SORCS2: variants seen among roughly 807,000 people sequenced by gnomAD.
SORCS2 encodes VPS10 domain-containing receptor SorCS2.
SORCS2 carries 100 observed loss-of-function variants against 141.6 expected under a neutral mutation model. The ratio of observed to expected loss-of-function variants is 0.71; its 90% CI spans 0.60 to 0.83. The LOEUF (loss-of-function observed/expected upper bound fraction) is 0.83, where lower values mean the gene tolerates loss of function less well. Ranked by LOEUF, SORCS2 falls within the 40% of genes least tolerant of loss-of-function variation. The pLI is 0.00. For synonymous variants in SORCS2, 789 were observed against 676.9 expected (o/e 1.17, Z -2.57); for missense variants, 1,646 against 1,560.2 (o/e 1.05, Z -0.93).
intron 23 of SORCS2, among the ~76,000 whole-genome samples, chr4:7,730,645 C>G (rs116185514): frequency 6.6e-6 from 1 of 152,188 alleles, no homozygotes; most frequent in African/African-American, 2.4e-5. Flanking sequence ...CAAAAGACCA[C>G]GTAGCGTACA....
chr4:7,199,269 G>C (rs975450891), intron 1 of SORCS2, among the ~76,000 whole-genome samples: 7 of 152,220 alleles, frequency 4.6e-5, no homozygotes, highest in African/African-American at 1.7e-4. Flanking sequence ...GAGAGCCCCA[G>C]GGATGCAATT....
At chr4:7,280,708 G>A (rs1408469346) in intron 1 of SORCS2, among the ~76,000 whole-genome samples, 2 of 152,226 alleles carry the variant, frequency 1.3e-5, no homozygotes, top group African/African-American at 4.8e-5. Context: ...ATCCTCGCCA[G>A]CATTTTGTGT....
intron 3 of SORCS2, among the ~76,000 whole-genome samples, chr4:7,608,745 G>A (rs1019716533): frequency 5.9e-5 from 9 of 152,118 alleles, no homozygotes; most frequent in Non-Finnish European, 8.8e-5. Context: ...CAGGCTTCCC[G>A]CTCCAGGGAC....
chr4:7,725,203 C>T lies in SORCS2; in HGVS notation c.2661C>T (p.Asn887=), dbSNP rs1256718896. The T allele has an allele frequency of 1.9e-6, 3 of 1,613,634 alleles. No individual in the cohort carries two copies. The East Asian group carries it at 6.7e-5, about 36-fold the overall frequency. ...AGGTGGTTCCTGTCATTGGCCTCAA[C>T]CAGGAGGTGAACCTCACAGCTGTGC... ...YLEVVPVIGL[N]QEVNLTAVLL... Residue 887 remains asparagine, a synonymous_variant, in exon 20 of 27, where the codon AAC becomes AAT. Coordinates refer to ENST00000507866, the MANE Select transcript of SORCS2 (RefSeq NM_020777.3).
At position 7,638,567 on chromosome 4, in the gene SORCS2, C is replaced by T. The variant is rs1577878231; in HGVS notation, c.813+75C>T. ...CGACCCACCTGGAGGTGAGTGCCCA[C>T]TTGGAGCAAGTGGGACCCGGAACCC... is the stretch of plus-strand genomic sequence containing the variant. On this transcript the variant is annotated intron_variant, in intron 4 of 26. Coordinates refer to ENST00000507866, the MANE Select transcript of SORCS2 (RefSeq NM_020777.3). 3.4e-6 allele frequency: 5 copies of T among 1,480,772 alleles called. No individual in the cohort carries two copies. The East Asian group carries it at 1.2e-4, about 37-fold the overall frequency. 91.7% of individuals were successfully genotyped at this position (1,480,772 alleles called of 1,614,324 possible).
chr4:7,458,081 G>T lies in SORCS2; in HGVS notation c.548+61726G>T, dbSNP rs1729038389. ...AGTGGGTGCCCAACTCCCCTCAGGG[G>T]TGCCATAGGTGACACAGTACTTCTG... On this transcript the variant is annotated intron_variant, in intron 2 of 26. Transcript: ENST00000507866. Among the ~76,000 whole-genome samples the T allele has an allele frequency of 1.3e-5, 2 of 152,358 alleles. 1 individual carries two copies. The highest frequency in any genetic ancestry group is 4.1e-4 in the South Asian group (2 of 4,828).
chr4:7,201,304 C>G lies in SORCS2; in HGVS notation c.480+8178C>G, dbSNP rs955523154. On this transcript the variant is annotated intron_variant, in intron 1 of 26. Transcript: ENST00000507866. The surrounding 1 kb of genome is among the most constrained non-coding windows in gnomAD (Gnocchi z 4.4). The stretch of plus-strand genomic sequence containing the variant: ...TTGATCAAGAAGCCTGGCTCGAAGT[C>G]ATAGAGACAGCCCTGTTAATAAAGT... 1.1e-4 allele frequency among the ~76,000 whole-genome samples: 16 copies of G among 152,226 alleles called. No individual in the cohort carries two copies. Among genetic ancestry groups the G allele is most frequent in the Non-Finnish European group, 1.6e-4 (11 of 68,046 alleles).
chr4:7,366,624 G>T (rs559081145), intron 1 of SORCS2, among the ~76,000 whole-genome samples: 1 of 151,382 alleles, frequency 6.6e-6, no homozygotes, highest in Admixed American at 6.6e-5. Context: ...TCCTCCTCCA[G>T]CCTCCCATGC....
intron 1 of SORCS2, among the ~76,000 whole-genome samples, chr4:7,302,965 G>A (rs1007708037): frequency 3.3e-5 from 5 of 152,304 alleles, no homozygotes; most frequent in East Asian, 1.9e-4. Flanking sequence ...CGTGGGGGCC[G>A]CAGCCAAGCG....
chr4:7,589,743 G>A (rs1716787229), intron 3 of SORCS2, among the ~76,000 whole-genome samples: 1 of 152,218 alleles, frequency 6.6e-6, no homozygotes, highest in Admixed American at 6.5e-5. Context: ...GTAATACCAT[G>A]AGGACATGGA....
chr4:7,728,339 C>A lies in SORCS2; in HGVS notation c.2870-11C>A, dbSNP rs373164614. 5 of 1,604,740 alleles carry A rather than the reference C, an allele frequency of 3.1e-6. No homozygotes were observed. Among genetic ancestry groups the A allele is most frequent in the South Asian group, 1.1e-5 (1 of 90,244 alleles). ...AGAACTGACCAGTCTCCCTTCTCTG[C>A]GTCTTTCCAGATCAATTTCAAGTCA... On this transcript the variant is annotated splice_polypyrimidine_tract_variant and intron_variant, in intron 21 of 26. Transcript: ENST00000507866.
chr4:7,641,266 G>T (rs113137081), intron 4 of SORCS2, among the ~76,000 whole-genome samples: 2 of 152,272 alleles, frequency 1.3e-5, no homozygotes, highest in Admixed American at 1.3e-4. Flanking sequence ...CACATGGGTG[G>T]GGAGGCCTCA....
chr4:7,308,928 A>T (rs1009785188), intron 1 of SORCS2, among the ~76,000 whole-genome samples: 1 of 152,128 alleles, frequency 6.6e-6, no homozygotes, highest in African/African-American at 2.4e-5. Context: ...CTCCATGCCA[A>T]GACCTCCTGC....
intron 8 of SORCS2, among the ~76,000 whole-genome samples, chr4:7,669,283 G>A (rs193130733): frequency 6.6e-6 from 1 of 152,330 alleles, no homozygotes; most frequent in African/African-American, 2.4e-5. Flanking sequence ...GGCATGTGCT[G>A]TGACTATCGA....
intron 25 of SORCS2, 110 bp downstream of exon 25, chr4:7,734,484 G>C (rs1711995292): frequency 5.4e-6 from 4 of 747,474 alleles, no homozygotes; most frequent in Non-Finnish European, 8.4e-6. Context: ...GGCCTCAGAA[G>C]GGAGTGGTGA....
At chr4:7,732,111 A>C (rs1577133865) in intron 23 of SORCS2, among the ~76,000 whole-genome samples, 1 of 152,296 alleles carries the variant, frequency 6.6e-6, no homozygotes, top group East Asian at 1.9e-4. Context: ...AAAACAGGTG[A>C]CTCGATTAAA....
intron 1 of SORCS2, among the ~76,000 whole-genome samples, chr4:7,308,425 A>G (rs1717972599): frequency 6.6e-6 from 1 of 152,060 alleles, no homozygotes; most frequent in African/African-American, 2.4e-5. Flanking sequence ...GTGGGGGTAG[A>G]TGGGCTCCGT....
At chr4:7,269,737 C>T (rs867993642) in intron 1 of SORCS2, among the ~76,000 whole-genome samples, 5 of 152,234 alleles carry the variant, frequency 3.3e-5, no homozygotes, top group Non-Finnish European at 4.4e-5. Flanking sequence ...CAGCCCCCAA[C>T]ACCTTAATCT....
intron 1 of SORCS2, among the ~76,000 whole-genome samples, chr4:7,339,589 G>A (rs1003969821): frequency 2.6e-5 from 4 of 152,252 alleles, no homozygotes; most frequent in Non-Finnish European, 4.4e-5. Context: ...GTGTTCTCCC[G>A]GATAGCGTCT....
Sources: gnomAD v4.1 joint callset for allele counts (sites outside exome capture counted in the v4.1 genomes callset) on GRCh38, gnomAD v4.1.1 for gene constraint, Gnocchi (gnomAD v3.1) non-coding constraint, MANE v1.5 for transcripts, NCBI Gene and HGNC (gene_info 2026-07-23, HGNC 2026-07-21) for gene names.